AEBP2: variants seen among roughly 807,000 people sequenced by gnomAD.
The protein encoded by AEBP2 is zinc finger protein AEBP2.
In AEBP2, 10 loss-of-function variants were observed where a neutral mutation model predicts 50.8. That is an observed-to-expected ratio of 0.20 (90% confidence interval 0.12 to 0.33). The LOEUF is 0.33. Ranked by LOEUF, AEBP2 falls within the 10% of genes least tolerant of loss-of-function variation. AEBP2 has a pLI of 1.00. For synonymous variants in AEBP2, 296 were observed against 261.3 expected, an observed-to-expected ratio of 1.13 and a Z score of -1.28; for missense variants, 570 against 688.0, an observed-to-expected ratio of 0.83 and a Z score of 1.92.
intron 4 of AEBP2, among the ~76,000 whole-genome samples, chr12:19,495,547 C>CTTTTTTTTTTTTTTTTTT (rs35060511): frequency 3.5e-5 from 5 of 141,038 alleles, no homozygotes; most frequent in African/African-American, 7.8e-5. Context: ...TTCATTCTTG[C>CTTTTTTTTTTTTTTTTTT]TTTTTTTTTT....
At chr12:19,439,349 C>G (rs768226946), upstream of AEBP2, among the ~76,000 whole-genome samples, 293 of 137,948 alleles carry the variant, frequency 2.1e-3, no homozygotes, top group Admixed American at 2.7e-3. Flanking sequence ...GGGAAGGCCC[C>G]GAGGAAACGC....
At chr12:19,465,018 A>T (rs1948446240) in intron 2 of AEBP2, among the ~76,000 whole-genome samples, 2 of 152,170 alleles carry the variant, frequency 1.3e-5, no homozygotes, top group Admixed American at 1.3e-4. Flanking sequence ...TTGAAATGAA[A>T]AATCTCCCAT....
intron 7 of AEBP2, among the ~76,000 whole-genome samples, chr12:19,515,516 C>G (rs1367400258): frequency 6.6e-6 from 1 of 151,974 alleles, no homozygotes; most frequent in Non-Finnish European, 1.5e-5. Flanking sequence ...ATGATGTACA[C>G]GAGAGTGATT....
chr12:19,443,859 ATTT>A (rs149571853), intron 1 of AEBP2, among the ~76,000 whole-genome samples: 2 of 152,260 alleles, frequency 1.3e-5, no homozygotes, highest in East Asian at 1.9e-4. Flanking sequence ...CAAAAAGTTG[ATTT>A]TTTTCCCCCC....
intron 4 of AEBP2, among the ~76,000 whole-genome samples, chr12:19,499,573 C>T (rs945740365): frequency 2.0e-5 from 3 of 149,016 alleles, no homozygotes; most frequent in African/African-American, 7.5e-5. Context: ...GAGATGGCGC[C>T]ACTGCACTTC....
At chr12:19,415,595 A>G (rs1358764063) in intron 1 of AEBP2, among the ~76,000 whole-genome samples, 1 of 151,418 alleles carries the variant, frequency 6.6e-6, no homozygotes, top group Non-Finnish European at 1.5e-5. Context: ...AGGATACTCA[A>G]TATATCTGAT....
Position 19,439,683 on chromosome 12 carries a change from G to GAGC in AEBP2, c.-15_-14insCAG, listed in dbSNP as rs1229108194. 5 of 1,517,440 alleles carry GAGC rather than the reference G, an allele frequency of 3.3e-6. No individual in the cohort carries two copies. The highest frequency in any genetic ancestry group is 3.5e-6 in the Non-Finnish European group (4 of 1,138,772). 94.0% of individuals were successfully genotyped at this position (1,517,440 alleles called of 1,614,324 possible). On this transcript the variant is annotated 5_prime_UTR_variant, in exon 1 of 8. Transcript: ENST00000266508. Reference sequence around the variant, plus strand: ...CGGCGGTGGGGAGGAGGAGGAGGAGGAGGAGCAGGCGCCGCCATGGCCGCC... The same window carrying GAGC: ...CGGCGGTGGGGAGGAGGAGGAGGAGGAGCAGGAGCAGGCGCCGCCATGGCCGCC...
At chr12:19,430,971 C>A (rs2095751106) in intron 1 of AEBP2, among the ~76,000 whole-genome samples, 1 of 146,156 alleles carries the variant, frequency 6.8e-6, no homozygotes, top group South Asian at 2.1e-4. Flanking sequence ...TGCAGTGAGC[C>A]ACTGCACTCC....
At chr12:19,423,064 CAAAAAAAAAAAA>C (rs751550689) in intron 1 of AEBP2, among the ~76,000 whole-genome samples, 34 of 35,032 alleles carry the variant, frequency 9.7e-4, no homozygotes, top group Admixed American at 1.3e-3. Context: ...GACTCTGTCT[CAAAAAAAAAAAA>C]AAAAAAAAAA....
At chr12:19,431,166 T>C (rs1349384072) in intron 1 of AEBP2, among the ~76,000 whole-genome samples, 2 of 152,028 alleles carry the variant, frequency 1.3e-5, no homozygotes, top group Non-Finnish European at 2.9e-5. Context: ...GCAAGGAAAA[T>C]AGCTGCCATA....
chr12:19,411,048 C>T (rs1215097342), intron 1 of AEBP2, among the ~76,000 whole-genome samples: 1 of 151,048 alleles, frequency 6.6e-6, no homozygotes, highest in African/African-American at 2.4e-5. Flanking sequence ...GAGGCGGTCA[C>T]GGCAAAAAAA....
rs563656603 is a variant in AEBP2, at chr12:19,453,953, A to G, written c.672-8557A>G. On this transcript the variant is annotated intron_variant, in intron 1 of 7. Coordinates refer to ENST00000266508, the MANE Select transcript of AEBP2 (RefSeq NM_153207.5). ...GCTGGGATTACAGGCTTGATCCACC[A>G]TGCCTGGCCCCCAGTTTATGTCTTT... Among the ~76,000 whole-genome samples, 8 of 151,948 alleles carry G rather than the reference A, an allele frequency of 5.3e-5. No individual in the cohort carries two copies. In the South Asian group the frequency reaches 1.0e-3, roughly 20 times the overall value.
At chr12:19,444,029 A>T (rs1948013120) in intron 1 of AEBP2, among the ~76,000 whole-genome samples, 1 of 152,186 alleles carries the variant, frequency 6.6e-6, no homozygotes, top group South Asian at 2.1e-4. Flanking sequence ...AGAAGTATTT[A>T]GCTATGTGAA....
chr12:19,417,620 C>T (rs1014291076), intron 1 of AEBP2, among the ~76,000 whole-genome samples: 2 of 151,532 alleles, frequency 1.3e-5, no homozygotes, highest in Non-Finnish European at 2.9e-5. Context: ...GTTGGCCAGG[C>T]TGATCTCGAA....
At chr12:19,499,665 G>A (rs1352334822) in intron 4 of AEBP2, among the ~76,000 whole-genome samples, 1 of 147,994 alleles carries the variant, frequency 6.8e-6, no homozygotes, top group Non-Finnish European at 1.5e-5. Context: ...TGTCAGATTT[G>A]TACAATTTGA....
chr12:19,487,292 T>TTG (rs1305798936), intron 3 of AEBP2, among the ~76,000 whole-genome samples: 1 of 152,194 alleles, frequency 6.6e-6, no homozygotes, highest in Admixed American at 6.5e-5. Context: ...GTATTTTTTT[T>TTG]TAAGTACATA....
intron 5 of AEBP2, among the ~76,000 whole-genome samples, chr12:19,503,337 G>A (rs1412259751): frequency 6.6e-6 from 1 of 151,798 alleles, no homozygotes; most frequent in African/African-American, 2.4e-5. Flanking sequence ...TGGTGTGTGT[G>A]TGTGTGTGTA....
At chr12:19,484,842 A>G (rs572430423) in intron 3 of AEBP2, among the ~76,000 whole-genome samples, 11 of 152,260 alleles carry the variant, frequency 7.2e-5, no homozygotes, top group African/African-American at 2.6e-4. Flanking sequence ...AAGTAAATCA[A>G]TGGTCTAATT....
chr12:19,456,590 G>C, intron 1 of AEBP2: 4 of 1,540,872 alleles, frequency 2.6e-6, no homozygotes, highest in Non-Finnish European at 3.6e-6. Flanking sequence ...GGCCTGGAAG[G>C]TTCAGGATAA....
Sources: allele counts gnomAD v4.1 joint callset (sites outside exome capture counted in the v4.1 genomes callset), GRCh38; gene constraint gnomAD v4.1.1; transcripts MANE v1.5; gene names NCBI Gene and HGNC (gene_info 2026-07-23, HGNC 2026-07-21).